Variants in PDSS1 observed in about 807,000 individuals in gnomAD.
PDSS1 encodes the protein all trans-polyprenyl-diphosphate synthase PDSS1.
Under a neutral mutation model 57.5 loss-of-function variants are expected in PDSS1, and 43 were observed. The observed-to-expected ratio is 0.75, with a 90% confidence interval of 0.59 to 0.96. The LOEUF (loss-of-function observed/expected upper bound fraction) is 0.96. Ranked by LOEUF, PDSS1 falls within the 50% of genes least tolerant of loss-of-function variation. The pLI is 0.00. For synonymous variants in PDSS1, 175 were observed against 191.3 expected, an observed-to-expected ratio of 0.91 and a Z score of 0.70; for missense variants, 438 against 527.8, an observed-to-expected ratio of 0.83 and a Z score of 1.67.
At chr10:26,721,935 C>T (rs1177376391) in intron 6 of PDSS1, among the ~76,000 whole-genome samples, 1 of 152,216 alleles carries the variant, frequency 6.6e-6, no homozygotes, top group African/African-American at 2.4e-5. Flanking sequence ...TGCCTCTGAC[C>T]CACAACTGCT....
At chr10:26,702,787 C>T (rs1474224716) in intron 2 of PDSS1, among the ~76,000 whole-genome samples, 1 of 152,126 alleles carries the variant, frequency 6.6e-6, no homozygotes, top group Non-Finnish European at 1.5e-5. Context: ...GAGATTGAGG[C>T]TGCAGTGAGC....
chr10:26,703,721 T>G (rs1239692618), intron 2 of PDSS1, among the ~76,000 whole-genome samples: 1 of 152,080 alleles, frequency 6.6e-6, no homozygotes, highest in Non-Finnish European at 1.5e-5. Flanking sequence ...TGTAATGCTG[T>G]GGGGGAAAGA....
At chr10:26,724,778 A>G (rs558147902) in intron 8 of PDSS1, among the ~76,000 whole-genome samples, 5 of 152,170 alleles carry the variant, frequency 3.3e-5, no homozygotes, top group South Asian at 2.1e-4. Flanking sequence ...GGGGTTTGCC[A>G]TGTTGGCCGG....
At chr10:26,723,696 C>T in intron 6 of PDSS1, 110 bp from the exon 7 acceptor site, 1 of 795,408 alleles carries the variant, frequency 1.3e-6, no homozygotes, top group Non-Finnish European at 2.3e-6. Context: ...ACCCTGCATC[C>T]AAGATGAGCC....
At chr10:26,705,159 C>T (rs1241969939) in intron 3 of PDSS1, 127 bp from the exon 4 acceptor site, 4 of 687,648 alleles carry the variant, frequency 5.8e-6, no homozygotes, top group Non-Finnish European at 1.1e-5. Flanking sequence ...TTATAATGAC[C>T]TTTTCAGATT....
intron 5 of PDSS1, chr10:26,715,589 G>A (rs575952814): frequency 1.1e-4 from 17 of 152,234 alleles, no homozygotes; most frequent in African/African-American, 3.6e-4. Context: ...TAGAGACGGG[G>A]TTTCATCATG....
intron 2 of PDSS1, among the ~76,000 whole-genome samples, chr10:26,703,808 G>A (rs944850245): frequency 2.0e-5 from 3 of 152,026 alleles, no homozygotes; most frequent in South Asian, 2.1e-4. Context: ...GGCGCCGGGC[G>A]CGGTGGCTCA....
At chr10:26,726,976 C>A (rs954218626) in intron 8 of PDSS1, among the ~76,000 whole-genome samples, 1 of 151,786 alleles carries the variant, frequency 6.6e-6, no homozygotes, top group African/African-American at 2.4e-5. Flanking sequence ...GCAGGAGAAC[C>A]GCTTGAACCC....
intron 4 of PDSS1, among the ~76,000 whole-genome samples, chr10:26,708,400 C>T (rs889435599): frequency 6.6e-6 from 1 of 152,218 alleles, no homozygotes; most frequent in Admixed American, 6.5e-5. Context: ...AATCCCACAT[C>T]AAAGCCCATC....
intron 5 of PDSS1, chr10:26,714,869 G>A (rs1187162410): frequency 6.6e-6 from 1 of 152,216 alleles, no homozygotes; most frequent in Non-Finnish European, 1.5e-5. Context: ...CAGGTTGAGA[G>A]TCCAGGTGTG....
Position 26,704,659 on chromosome 10 carries a change from G to A in PDSS1, c.163-18G>A. The A allele has an allele frequency of 9.6e-7, 1 of 1,047,084 alleles. No homozygotes were observed. The highest frequency in any genetic ancestry group is 2.4e-5 in the East Asian group (1 of 41,604). 64.9% of individuals were successfully genotyped at this position (1,047,084 alleles called of 1,614,324 possible). A position where few individuals can be genotyped will look rare whatever the true frequency, so the allele number is the denominator to read the frequency against. ...TCAGGAATATTCTTACAAGTTTCTTGACATTTTTATTTTATAGATACCCTA... is the reference window on the plus strand; with the variant it reads ...TCAGGAATATTCTTACAAGTTTCTTAACATTTTTATTTTATAGATACCCTA... On this transcript the variant is annotated intron_variant, in intron 2 of 11. Transcript: ENST00000376215.
At chr10:26,735,170 T>C (rs1836348600) in intron 8 of PDSS1, 70 bp from the exon 9 acceptor site, 2 of 1,064,678 alleles carry the variant, frequency 1.9e-6, no homozygotes, top group Non-Finnish European at 2.9e-6. Flanking sequence ...AAGGAATTCC[T>C]TCAGCCAGGG....
chr10:26,734,263 A>T (rs756344558), intron 8 of PDSS1, among the ~76,000 whole-genome samples: 2 of 152,250 alleles, frequency 1.3e-5, no homozygotes, highest in African/African-American at 2.4e-5. Context: ...GGCACGACCG[A>T]AGGTCAGGGG....
intron 5 of PDSS1, among the ~76,000 whole-genome samples, chr10:26,712,001 C>CTTTTTTTTTTTT (rs543847648): frequency 5.7e-4 from 35 of 61,874 alleles, no homozygotes; most frequent in Non-Finnish European, 9.3e-4. Flanking sequence ...TTTTCTTTTT[C>CTTTTTTTTTTTT]TTTTTTTTTT....
intron 5 of PDSS1, chr10:26,715,716 C>A (rs993445512): frequency 6.6e-6 from 1 of 152,098 alleles, no homozygotes; most frequent in Non-Finnish European, 1.5e-5. Context: ...CTTTCCTTAC[C>A]CATCCCCAAT....
At chr10:26,730,114 G>A (rs550155351) in intron 8 of PDSS1, among the ~76,000 whole-genome samples, 1 of 151,400 alleles carries the variant, frequency 6.6e-6, no homozygotes, top group South Asian at 2.1e-4. Context: ...GGGTTTCATG[G>A]TGTTAGCCAG....
chr10:26,718,646 A>G (rs1835680860), intron 5 of PDSS1: 1 of 151,864 alleles, frequency 6.6e-6, no homozygotes, highest in Non-Finnish European at 1.5e-5. Context: ...ATGTAATCCA[A>G]GCTACTTGGG....
intron 8 of PDSS1, among the ~76,000 whole-genome samples, chr10:26,732,404 C>T (rs920744451): frequency 6.6e-6 from 1 of 152,350 alleles, no homozygotes; most frequent in African/African-American, 2.4e-5. Context: ...CTCTGTTCAG[C>T]ATGTGTGGGC....
At chr10:26,704,221 T>G (rs1252053090) in intron 2 of PDSS1, among the ~76,000 whole-genome samples, 1 of 152,052 alleles carries the variant, frequency 6.6e-6, no homozygotes, top group African/African-American at 2.4e-5. Flanking sequence ...TTTAACACCC[T>G]GGTTTGTGTG....
Sources: gnomAD v4.1 joint callset for allele counts (sites outside exome capture counted in the v4.1 genomes callset) on GRCh38, gnomAD v4.1.1 for gene constraint, MANE v1.5 for transcripts, NCBI Gene and HGNC (gene_info 2026-07-23, HGNC 2026-07-21) for gene names.